TMEM129: variants seen among roughly 807,000 people sequenced by gnomAD.
TMEM129 encodes E3 ubiquitin-protein ligase TM129.
Under a neutral mutation model 34.1 loss-of-function variants are expected in TMEM129, and 35 were observed. The observed-to-expected ratio is 1.03, with a 90% confidence interval of 0.78 to 1.36. The LOEUF is 1.36. Among genes scored for constraint, TMEM129 ranks in the 40% most tolerant of loss-of-function variants. The pLI is 0.00. For synonymous variants in TMEM129, 239 were observed against 217.3 expected (o/e 1.10, Z -0.88); for missense variants, 504 against 512.6 (o/e 0.98, Z 0.16).
In TMEM129 at chr4:1,720,552, G is replaced by A; in HGVS notation, c.205+81C>T. Reference sequence around the variant, plus strand: ...GCCCAGGCGCTTTCGGGGCCTCGGGGAGCTGGCGGAGGCCTCCTCCTGACC... The same window carrying A: ...GCCCAGGCGCTTTCGGGGCCTCGGGAAGCTGGCGGAGGCCTCCTCCTGACC... On this transcript the variant is annotated intron_variant, in intron 1 of 3. Coordinates refer to ENST00000382936, the MANE Select transcript of TMEM129 (RefSeq NM_001127266.2). This position sits in a 1 kb window ranked among gnomAD's most constrained non-coding sequence, Gnocchi z 4.4. 4.1e-6 allele frequency: 6 copies of A among 1,447,536 alleles called. No homozygotes were observed. The South Asian group carries it at 6.8e-5, about 17-fold the overall frequency. The allele number at this position is 1,447,536 out of a possible 1,614,324, so 89.7% of individuals were successfully genotyped here. A position where few individuals can be genotyped will look rare whatever the true frequency, so the allele number is the denominator to read the frequency against.
At chr4:1,719,027 TG>T in intron 1 of TMEM129, 2 of 1,291,632 alleles carry the variant, frequency 1.5e-6, no homozygotes, top group Non-Finnish European at 2.0e-6. Flanking sequence ...ATCCCAGAGC[TG>T]AAAAGTTATG....
chr4:1,720,920 G>T lies in TMEM129; in HGVS notation c.-83C>A. ...CGCAGCGCCCAGTCCCGGACCTGTC[G>T]GTTGCGGCGGCCGCCGCCCGGCCGC... On this transcript the variant is annotated 5_prime_UTR_variant, in exon 1 of 4. Transcript: ENST00000382936. This position sits in a 1 kb window ranked among gnomAD's most constrained non-coding sequence, Gnocchi z 4.4. 1.6e-6 allele frequency: 2 copies of T among 1,247,442 alleles called. No homozygotes were observed. The highest frequency in any genetic ancestry group is 2.1e-6 in the Non-Finnish European group (2 of 975,292). 77.3% of individuals were successfully genotyped at this position (1,247,442 alleles called of 1,614,324 possible). A position where few individuals can be genotyped will look rare whatever the true frequency, so the allele number is the denominator to read the frequency against.
rs1292626442 is a variant in TMEM129 at position 1,717,070 on chromosome 4, C to A, written c.*110G>T. ...CCCAGGGCAGAGGCGAGTTGCTCTA[C>A]ATCATGTGCTTTAAGTAGAGCCCTT... On this transcript the variant is annotated 3_prime_UTR_variant, in exon 4 of 4. Transcript: ENST00000382936. The A allele has an allele frequency of 1.5e-5, 19 of 1,308,460 alleles. No individual in the cohort carries two copies. In the Admixed American group the frequency reaches 6.6e-4, roughly 46 times the overall value. 81.1% of individuals were successfully genotyped at this position (1,308,460 alleles called of 1,614,324 possible).
intron 3 of TMEM129, 37 bp downstream of exon 3, chr4:1,717,479 C>T (rs1418538522): frequency 6.7e-7 from 1 of 1,500,452 alleles, no homozygotes; most frequent in Non-Finnish European, 9.0e-7. Flanking sequence ...CCCGTGGGCA[C>T]CCACCCATCC....
Position 1,720,666 on chromosome 4 carries a change from C to T in TMEM129, c.172G>A (p.Ala58Thr). 5.8e-6 allele frequency: 9 copies of T among 1,547,106 alleles called. No homozygotes were observed. Among genetic ancestry groups the T allele is most frequent in the Non-Finnish European group, 7.8e-6 (9 of 1,147,290 alleles). ...FVPFHLRRTAATLLCHSLLPL... is the reference protein window; with the variant it reads ...FVPFHLRRTATTLLCHSLLPL... ...AGCAGCGAGTGGCACAACAGCGTGG[C>T]GGCCGTGCGGCGCAAGTGGAAGGGC... is the stretch of plus-strand genomic sequence containing the variant. The change falls in exon 1 of 4, where the codon GCC becomes ACC. Residue 58 changes from alanine (A) to threonine (T), a missense_variant. Physicochemically the swap from Ala to Thr is moderately conservative, Grantham distance 58. Transcript: ENST00000382936. This position sits in a 1 kb window ranked among gnomAD's most constrained non-coding sequence, Gnocchi z 4.4.
At chr4:1,719,545 G>A (rs564550562) in intron 1 of TMEM129, among the ~76,000 whole-genome samples, 5 of 152,262 alleles carry the variant, frequency 3.3e-5, no homozygotes, top group Non-Finnish European at 5.9e-5. Context: ...AATAAAACAG[G>A]TAACTAATAC....
In TMEM129 at chr4:1,720,191, G is replaced by A. The variant is rs1717220151; in HGVS notation, c.205+442C>T. Among the ~76,000 whole-genome samples the A allele has an allele frequency of 6.6e-6, 1 of 152,124 alleles. No homozygotes were observed. The highest frequency in any genetic ancestry group is 2.1e-4 in the South Asian group (1 of 4,826). ...TCTGCCCCTGTGGCGCCCCCAAACT[G>A]GAACTGCCTCCAAATCCGCCTGTTC... On this transcript the variant is annotated intron_variant, in intron 1 of 3. Transcript: ENST00000382936. This position sits in a 1 kb window ranked among gnomAD's most constrained non-coding sequence, Gnocchi z 4.4.
rs1027066749 is a variant in TMEM129 at position 1,718,601 on chromosome 4, C to T, written c.231G>A (p.Ala77=). 21 of 1,458,762 alleles carry T rather than the reference C, an allele frequency of 1.4e-5. No homozygotes were observed. The highest frequency in any genetic ancestry group is 2.9e-5 in the South Asian group (2 of 68,962). The allele number at this position is 1,458,762 out of a possible 1,614,324, so 90.4% of individuals were successfully genotyped here. ...GGGCGTGGAGCCGCTTTTCTGAAGC[C>T]GCAAGGCACATGCCCACATAGTAGC... ...PLGYYVGMCL[A]ASEKRLHALS... The change falls in exon 2 of 4, where the codon GCG becomes GCA. Residue 77 remains alanine (A), a synonymous_variant. Transcript: ENST00000382936.
In TMEM129 at chr4:1,720,533, G is replaced by A; in HGVS notation, c.205+100C>T. ...GGCGCCTCTCCCCAGCTGCGCCCAGGCGCTTTCGGGGCCTCGGGGAGCTGG... is the reference window on the plus strand; with the variant it reads ...GGCGCCTCTCCCCAGCTGCGCCCAGACGCTTTCGGGGCCTCGGGGAGCTGG... On this transcript the variant is annotated intron_variant, in intron 1 of 3. Coordinates refer to ENST00000382936, the MANE Select transcript of TMEM129 (RefSeq NM_001127266.2). This position sits in a 1 kb window ranked among gnomAD's most constrained non-coding sequence, Gnocchi z 4.4. The A allele has an allele frequency of 7.2e-7, 1 of 1,397,882 alleles. No individual in the cohort carries two copies. The highest frequency in any genetic ancestry group is 9.4e-7 in the Non-Finnish European group (1 of 1,058,466). The allele number at this position is 1,397,882 out of a possible 1,614,324, so 86.6% of individuals were successfully genotyped here.
At chr4:1,717,841 C>T (rs558299435) in intron 2 of TMEM129, 166 bp from the exon 3 acceptor site, 17 of 1,020,166 alleles carry the variant, frequency 1.7e-5, no homozygotes, top group East Asian at 2.7e-5. Flanking sequence ...AGCCTGGGCA[C>T]GGGACGGACC....
rs926130034 is a variant in TMEM129, at chr4:1,717,554, C to T, written c.802G>A (p.Val268Ile). 13 of 1,547,792 alleles carry T rather than the reference C, an allele frequency of 8.4e-6. No individual in the cohort carries two copies. The African/African-American group carries it at 1.8e-4, about 21-fold the overall frequency. ...ACTGAGTAGGCCGGGTTGACCTCTA[C>T]CAGGGAGGCAAATGTCTCCAGGAAC... Reference protein sequence around the residue: ...DLFLETFASLVEVNPAYSVPS... With the variant: ...DLFLETFASLIEVNPAYSVPS... Residue 268 changes from valine to isoleucine, a missense_variant, in exon 3 of 4, where the codon GTA becomes ATA. Transcript: ENST00000382936.
At chr4:1,718,672 G>A (rs754389955) in intron 1 of TMEM129, 46 bp from the exon 2 acceptor site, 345 of 1,435,076 alleles carry the variant, frequency 2.4e-4, no homozygotes, top group Non-Finnish European at 3.0e-4. Flanking sequence ...GTGGCAGGCC[G>A]CTGTCCACCC....
In TMEM129 at chr4:1,720,499, A is replaced by T; in HGVS notation, c.205+134T>A. On this transcript the variant is annotated intron_variant, in intron 1 of 3. Transcript: ENST00000382936. The surrounding 1 kb of genome is among the most constrained non-coding windows in gnomAD (Gnocchi z 4.4). ...TCAGCCCACGCCGCGGTCCCTCTGGATGAGGACCGGCGCCTCTCCCCAGCT... is the reference window on the plus strand; with the variant it reads ...TCAGCCCACGCCGCGGTCCCTCTGGTTGAGGACCGGCGCCTCTCCCCAGCT... 1.7e-6 allele frequency: 2 copies of T among 1,183,686 alleles called. No individual in the cohort carries two copies. The highest frequency in any genetic ancestry group is 2.3e-6 in the Non-Finnish European group (2 of 873,634). The allele number at this position is 1,183,686 out of a possible 1,614,324, so 73.3% of individuals were successfully genotyped here.
rs761769882 is a variant in TMEM129 at position 1,720,682 on chromosome 4, G to C, written c.156C>G (p.His52Gln). ...GSEDAAFVPF[H>Q]LRRTAATLLC... ...ACAGCGTGGCGGCCGTGCGGCGCAA[G>C]TGGAAGGGCACGAAGGCGGCGTCCT... The change falls in exon 1 of 4, where the codon CAC (histidine) becomes CAG (glutamine). Residue 52 changes from histidine to glutamine, a missense_variant. Transcript: ENST00000382936. The surrounding 1 kb of genome is among the most constrained non-coding windows in gnomAD (Gnocchi z 4.4). 2.6e-6 allele frequency: 4 copies of C among 1,551,528 alleles called. No homozygotes were observed. In the South Asian group the frequency reaches 4.7e-5, roughly 18 times the overall value.
At position 1,720,354 on chromosome 4, in the gene TMEM129, T is replaced by A. The variant is rs777095690; in HGVS notation, c.205+279A>T. On this transcript the variant is annotated intron_variant, in intron 1 of 3. Transcript: ENST00000382936. The surrounding 1 kb of genome is among the most constrained non-coding windows in gnomAD (Gnocchi z 4.4). ...CACGACAAGCAAGGGCTGCTTGGCC[T>A]TGCAACCCCCAGGCACGTGACGGTT... is the stretch of plus-strand genomic sequence containing the variant. 6.6e-6 allele frequency among the ~76,000 whole-genome samples: 1 copy of A among 152,258 alleles called. No individual in the cohort carries two copies. Among genetic ancestry groups the A allele is most frequent in the Non-Finnish European group, 1.5e-5 (1 of 68,046 alleles).
chr4:1,716,348 T>G lies in TMEM129; in HGVS notation c.*832A>C, dbSNP rs986740201. The G allele has an allele frequency of 6.6e-6, 1 of 152,386 alleles. No homozygotes were observed. The highest frequency in any genetic ancestry group is 2.4e-5 in the African/African-American group (1 of 41,466). 9.4% of individuals were successfully genotyped at this position (152,386 alleles called of 1,614,324 possible). A position where few individuals can be genotyped will look rare whatever the true frequency, so the allele number is the denominator to read the frequency against. ...ACTGGGCAAGACGCCCACCAGAGGC[T>G]TGACCACAGGGGGCGTGCATCCCCT... is the stretch of plus-strand genomic sequence containing the variant. On this transcript the variant is annotated 3_prime_UTR_variant, in exon 4 of 4. Coordinates refer to ENST00000382936, the MANE Select transcript of TMEM129 (RefSeq NM_001127266.2).
rs928631273 is a variant in TMEM129 at position 1,717,579 on chromosome 4, C to G, written c.777G>C (p.Leu259=). The G allele has an allele frequency of 1.3e-6, 2 of 1,549,780 alleles. No homozygotes were observed. Among genetic ancestry groups the G allele is most frequent in the Non-Finnish European group, 1.7e-6 (2 of 1,146,324 alleles). Residue 259 remains leucine, a synonymous_variant, in exon 3 of 4, where the codon CTG becomes CTC. Coordinates refer to ENST00000382936, the MANE Select transcript of TMEM129 (RefSeq NM_001127266.2). ...CCAGGGAGGCAAATGTCTCCAGGAA[C>G]AGGTCGCCCAGGCTCTGGTGGATGA... The part of the protein sequence containing the change: ...HVVIHQSLGD[L]FLETFASLVE...
intron 1 of TMEM129, 29 bp from the exon 2 acceptor site, chr4:1,718,655 A>T (rs1404840798): frequency 6.9e-7 from 1 of 1,439,896 alleles, no homozygotes. Context: ...GCCTCAGGGG[A>T]AAGTGAGTGG....
chr4:1,718,870 AACT>A, intron 1 of TMEM129: 1 of 1,382,602 alleles, frequency 7.2e-7, no homozygotes, highest in Non-Finnish European at 9.4e-7. Context: ...GTGTTGAAAA[AACT>A]ACAAAAGCCT....
Sources: gnomAD v4.1 joint callset for allele counts (sites outside exome capture counted in the v4.1 genomes callset) on GRCh38, gnomAD v4.1.1 for gene constraint, Gnocchi (gnomAD v3.1) non-coding constraint, MANE v1.5 for transcripts, NCBI Gene and HGNC (gene_info 2026-07-23, HGNC 2026-07-21) for gene names.